The following HS3ST4 variants were observed in gnomAD, a reference collection of about 807,000 sequenced individuals.
The protein encoded by HS3ST4 is heparan sulfate-glucosamine 3-sulfotransferase 4.
In HS3ST4, 17 loss-of-function variants were observed where a neutral mutation model predicts 29.2. That is an observed-to-expected ratio of 0.58 (90% confidence interval 0.40 to 0.87). The LOEUF is 0.87. Ranked by LOEUF, HS3ST4 falls within the 40% of genes least tolerant of loss-of-function variation. The pLI is 0.00. For missense variants in HS3ST4, 627 were observed against 634.5 expected, an observed-to-expected ratio of 0.99 and a Z score of 0.13; for synonymous variants, 314 against 285.7, an observed-to-expected ratio of 1.10 and a Z score of -1.00.
Position 26,074,517 on chromosome 16 carries a change from C to T in HS3ST4, c.735-61095C>T, listed in dbSNP as rs146839792. Among the ~76,000 whole-genome samples the T allele has an allele frequency of 2.3e-3, 347 of 152,270 alleles. 3 individuals carry two copies. Among genetic ancestry groups the T allele is most frequent in the African/African-American group, 8.3e-3 (343 of 41,556 alleles). Reference sequence around the variant, plus strand: ...TCGAATGTCGCTGTGATGTCTGGAGCTGGAGCATCCATCTGGCAGTGAGTG... The same window carrying T: ...TCGAATGTCGCTGTGATGTCTGGAGTTGGAGCATCCATCTGGCAGTGAGTG... On this transcript the variant is annotated intron_variant, in intron 1 of 1. Transcript: ENST00000331351.
chr16:26,134,725 T>C (rs1280951495), intron 1 of HS3ST4, among the ~76,000 whole-genome samples: 1 of 152,238 alleles, frequency 6.6e-6, no homozygotes, highest in Non-Finnish European at 1.5e-5. Context: ...CTGATTTCCA[T>C]GTTTATTCCC....
At chr16:26,121,023 T>A (rs1439646753) in intron 1 of HS3ST4, among the ~76,000 whole-genome samples, 3 of 152,196 alleles carry the variant, frequency 2.0e-5, no homozygotes, top group Non-Finnish European at 2.9e-5. Context: ...AGCCTTTTGA[T>A]CCTGATGAAA....
At chr16:25,979,465 A>C (rs186526621) in intron 1 of HS3ST4, among the ~76,000 whole-genome samples, 1 of 152,286 alleles carries the variant, frequency 6.6e-6, no homozygotes, top group East Asian at 1.9e-4. Flanking sequence ...TTAGATTCTC[A>C]TAGAAGCATG....
chr16:26,009,724 A>G (rs990753760), intron 1 of HS3ST4, among the ~76,000 whole-genome samples: 3 of 152,176 alleles, frequency 2.0e-5, no homozygotes, highest in Non-Finnish European at 4.4e-5. Context: ...TTTCACTCCC[A>G]CTCACATTTT....
intron 1 of HS3ST4, among the ~76,000 whole-genome samples, chr16:25,830,972 A>G (rs900534120): frequency 3.3e-5 from 5 of 151,892 alleles, no homozygotes; most frequent in Admixed American, 6.6e-5. Flanking sequence ...GGCCTCCAGG[A>G]CTCTAGCCAA....
intron 1 of HS3ST4, among the ~76,000 whole-genome samples, chr16:25,954,928 G>A (rs1035925140): frequency 3.9e-5 from 6 of 152,210 alleles, no homozygotes; most frequent in Non-Finnish European, 8.8e-5. Context: ...AGAGACCAAT[G>A]AATATGCTTA....
At chr16:25,945,700 T>C (rs1596622258) in intron 1 of HS3ST4, among the ~76,000 whole-genome samples, 1 of 152,184 alleles carries the variant, frequency 6.6e-6, no homozygotes, top group Non-Finnish European at 1.5e-5. Context: ...ATTTTGGGAT[T>C]GTAATGAAAT....
At chr16:25,832,551 A>G (rs1020819940) in intron 1 of HS3ST4, among the ~76,000 whole-genome samples, 7 of 152,244 alleles carry the variant, frequency 4.6e-5, no homozygotes, top group African/African-American at 1.2e-4. Context: ...ATCATAATAA[A>G]TGTTTTTAAG....
Position 25,692,931 on chromosome 16 carries a change from G to C in HS3ST4, c.514G>C (p.Ala172Pro). The change falls in exon 1 of 2, where the codon GCA (alanine) becomes CCA (proline). Residue 172 changes from alanine (A) to proline (P), a missense_variant. Around this residue, in one of 2 missense-constraint regions of HS3ST4, gnomAD observed 402 missense variants for 340.8 expected, o/e 1.18. Coordinates refer to ENST00000331351, the MANE Select transcript of HS3ST4 (RefSeq NM_006040.3). Reference sequence around the variant, plus strand: ...GTCCAGCACCACCGACGAGGATCTCGCAGGCCGGAGAGCGGCCAACGGGAG... The same window carrying C: ...GTCCAGCACCACCGACGAGGATCTCCCAGGCCGGAGAGCGGCCAACGGGAG... ...QESSTTDEDL[A>P]GRRAANGSSE... is the part of the protein sequence containing the mutation. The C allele has an allele frequency of 1.2e-6, 2 of 1,606,170 alleles. No individual in the cohort carries two copies. Among genetic ancestry groups the C allele is most frequent in the Non-Finnish European group, 8.5e-7 (1 of 1,177,080 alleles).
intron 1 of HS3ST4, among the ~76,000 whole-genome samples, chr16:25,759,957 A>C (rs1157042606): frequency 1.3e-5 from 2 of 152,138 alleles, no homozygotes; most frequent in Non-Finnish European, 2.9e-5. Context: ...TGAAGGAGTA[A>C]AACCCTGTGA....
intron 1 of HS3ST4, among the ~76,000 whole-genome samples, chr16:25,959,499 T>G (rs1351382636): frequency 6.6e-6 from 1 of 152,166 alleles, no homozygotes; most frequent in Non-Finnish European, 1.5e-5. Flanking sequence ...AAGAAGTCAC[T>G]GAGCCAGCAC....
chr16:25,822,787 G>A (rs1376368404), intron 1 of HS3ST4, among the ~76,000 whole-genome samples: 2 of 151,934 alleles, frequency 1.3e-5, no homozygotes, highest in Admixed American at 1.3e-4. Flanking sequence ...ACCCAGGCTG[G>A]AGTGCAGTGG....
At chr16:25,867,303 G>A (rs763492819) in intron 1 of HS3ST4, among the ~76,000 whole-genome samples, 1 of 152,106 alleles carries the variant, frequency 6.6e-6, no homozygotes, top group Non-Finnish European at 1.5e-5. Context: ...GGCAGGAGGA[G>A]GGTGATGAGG....
chr16:25,945,881 G>T lies in HS3ST4; in HGVS notation c.735-189731G>T, dbSNP rs1397580228. 3.3e-5 allele frequency among the ~76,000 whole-genome samples: 5 copies of T among 152,162 alleles called. No homozygotes were observed. The East Asian group carries it at 9.6e-4, about 29-fold the overall frequency. On this transcript the variant is annotated intron_variant, in intron 1 of 1. Transcript: ENST00000331351. ...GAACCTAGCATATTGATCATTTATT[G>T]AATTCATTTATTCATTTCACAAATA... is the stretch of plus-strand genomic sequence containing the variant.
intron 1 of HS3ST4, among the ~76,000 whole-genome samples, chr16:25,773,300 G>A (rs906174994): frequency 6.6e-6 from 1 of 152,132 alleles, no homozygotes; most frequent in Non-Finnish European, 1.5e-5. Context: ...GAACTTTGGT[G>A]GCCTTCGATA....
intron 1 of HS3ST4, among the ~76,000 whole-genome samples, chr16:26,044,979 C>G (rs1898248028): frequency 6.6e-6 from 1 of 152,158 alleles, no homozygotes; most frequent in Non-Finnish European, 1.5e-5. Flanking sequence ...TCAACGCTCT[C>G]CTGGGAGACT....
chr16:25,996,240 T>C (rs1318413305), intron 1 of HS3ST4, among the ~76,000 whole-genome samples: 2 of 152,196 alleles, frequency 1.3e-5, no homozygotes, highest in Non-Finnish European at 2.9e-5. Context: ...ATCCGCCATT[T>C]GTTAAATGTG....
chr16:25,920,754 A>T (rs150476155), intron 1 of HS3ST4, among the ~76,000 whole-genome samples: 1 of 151,558 alleles, frequency 6.6e-6, no homozygotes, highest in Non-Finnish European at 1.5e-5. Flanking sequence ...GGCATGCACC[A>T]GCATGCCTGG....
At chr16:26,067,838 G>C (rs190849616) in intron 1 of HS3ST4, among the ~76,000 whole-genome samples, 1 of 152,218 alleles carries the variant, frequency 6.6e-6, no homozygotes, top group Non-Finnish European at 1.5e-5. Flanking sequence ...CACAAAATCT[G>C]TTGGTTTTAT....
Sources: gnomAD v4.1 joint callset for allele counts (sites outside exome capture counted in the v4.1 genomes callset) on GRCh38, gnomAD v4.1.1 for gene constraint, gnomAD v4.1.1 regional missense constraint, MANE v1.5 for transcripts, NCBI Gene and HGNC (gene_info 2026-07-23, HGNC 2026-07-21) for gene names.